PDE4D: variants seen among roughly 807,000 people sequenced by gnomAD.
PDE4D encodes 3',5'-cyclic-AMP phosphodiesterase 4D.
PDE4D carries 24 observed loss-of-function variants against 87.4 expected under a neutral mutation model. The ratio of observed to expected loss-of-function variants is 0.27; its 90% CI spans 0.20 to 0.39. The LOEUF (loss-of-function observed/expected upper bound fraction) is 0.39, where lower values mean the gene tolerates loss of function less well. Ranked by LOEUF, PDE4D falls within the 10% of genes least tolerant of loss-of-function variation. The pLI, the probability that PDE4D is intolerant of heterozygous loss-of-function variation, is 1.00. For synonymous variants in PDE4D, 384 were observed against 383.2 expected (o/e 1.00, Z -0.02); for missense variants, 714 against 1,041.0 (o/e 0.69, Z 4.32).
intron 1 of PDE4D, among the ~76,000 whole-genome samples, chr5:59,700,093 A>G (rs572711816): frequency 1.3e-5 from 2 of 152,182 alleles, no homozygotes; most frequent in African/African-American, 4.8e-5. Context: ...AAATTGCATA[A>G]CCATTACTGA....
intron 1 of PDE4D, among the ~76,000 whole-genome samples, chr5:59,672,128 T>A (rs1415302361): frequency 6.6e-6 from 1 of 152,168 alleles, no homozygotes; most frequent in East Asian, 1.9e-4. Flanking sequence ...CAGAACCTCA[T>A]TTCTGCCAGT....
At chr5:60,399,222 T>C (rs1055319127) in intron 1 of PDE4D, among the ~76,000 whole-genome samples, 2 of 152,178 alleles carry the variant, frequency 1.3e-5, no homozygotes, top group Non-Finnish European at 2.9e-5. Flanking sequence ...TAGTATTGCT[T>C]ATAGAAACTT....
At chr5:60,437,605 T>C (rs765679544) in intron 1 of PDE4D, among the ~76,000 whole-genome samples, 1 of 152,142 alleles carries the variant, frequency 6.6e-6, no homozygotes, top group African/African-American at 2.4e-5. Context: ...AGGCCTTGAA[T>C]AGTCTTAATA....
chr5:59,724,722 C>T (rs1756352205), intron 1 of PDE4D, among the ~76,000 whole-genome samples: 1 of 152,016 alleles, frequency 6.6e-6, no homozygotes, highest in Admixed American at 6.6e-5. Flanking sequence ...TGAAATGACA[C>T]ATAGGGCATA....
intron 1 of PDE4D, among the ~76,000 whole-genome samples, chr5:59,537,587 C>T (rs1211240764): frequency 6.6e-6 from 1 of 152,100 alleles, no homozygotes; most frequent in Non-Finnish European, 1.5e-5. Context: ...AAAATAACTT[C>T]AGAAGCTTCA....
At chr5:59,598,654 T>G (rs1035610034) in intron 1 of PDE4D, among the ~76,000 whole-genome samples, 3 of 152,084 alleles carry the variant, frequency 2.0e-5, no homozygotes, top group African/African-American at 7.2e-5. Context: ...CCTGACAGCC[T>G]CTCTTCATAG....
In PDE4D at chr5:58,972,915, C is replaced by T. The variant is rs940598701; in HGVS notation, c.*1749G>A. 6.6e-6 allele frequency: 1 copy of T among 152,148 alleles called. No individual in the cohort carries two copies. Among genetic ancestry groups the T allele is most frequent in the African/African-American group, 2.4e-5 (1 of 41,422 alleles). 9.4% of individuals were successfully genotyped at this position (152,148 alleles called of 1,614,324 possible). ...ATTTTAGGATGCATCACAGTACTAA[C>T]CCTCTGGTGCCAGTGGCATCATCTT... On this transcript the variant is annotated 3_prime_UTR_variant, in exon 15 of 15. Coordinates refer to ENST00000340635, the MANE Select transcript of PDE4D (RefSeq NM_001104631.2).
chr5:59,416,559 A>G (rs1358339144), intron 1 of PDE4D, among the ~76,000 whole-genome samples: 4 of 152,224 alleles, frequency 2.6e-5, no homozygotes, highest in Non-Finnish European at 2.9e-5. Context: ...AGAGCTAAGC[A>G]CTTGTAACTC....
At chr5:59,572,400 T>C (rs1821999202) in intron 1 of PDE4D, among the ~76,000 whole-genome samples, 3 of 152,144 alleles carry the variant, frequency 2.0e-5, no homozygotes, top group Non-Finnish European at 4.4e-5. Flanking sequence ...ATCTATTTTA[T>C]TATACTTTCT....
At chr5:59,050,911 AGTT>A (rs1235358454) in intron 5 of PDE4D, among the ~76,000 whole-genome samples, 3 of 152,252 alleles carry the variant, frequency 2.0e-5, no homozygotes, top group Non-Finnish European at 4.4e-5. Flanking sequence ...CACTTTGCAG[AGTT>A]GTTTAAATAA....
At chr5:59,850,006 GA>G (rs1336310223) in intron 1 of PDE4D, among the ~76,000 whole-genome samples, 1 of 152,030 alleles carries the variant, frequency 6.6e-6, no homozygotes. Context: ...TGGAAAGGAA[GA>G]GGGGGGCAAA....
chr5:59,704,550 A>G (rs540429588), intron 1 of PDE4D, among the ~76,000 whole-genome samples: 2 of 152,346 alleles, frequency 1.3e-5, no homozygotes, highest in African/African-American at 4.8e-5. Context: ...TTGTGCTGGA[A>G]ACTGGATAAA....
intron 1 of PDE4D, among the ~76,000 whole-genome samples, chr5:60,242,964 T>C (rs963525987): frequency 1.3e-5 from 2 of 151,420 alleles, no homozygotes; most frequent in African/African-American, 2.4e-5. Context: ...CCAAAACTAG[T>C]AGAAGAAAAA....
At chr5:59,750,163 T>C (rs565540994) in intron 1 of PDE4D, among the ~76,000 whole-genome samples, 4 of 151,590 alleles carry the variant, frequency 2.6e-5, no homozygotes, top group South Asian at 2.1e-4. Context: ...CCTGGGTTAC[T>C]TCAATAGTTT....
intron 1 of PDE4D, among the ~76,000 whole-genome samples, chr5:59,679,551 CAA>C (rs917860238): frequency 2.0e-5 from 3 of 152,096 alleles, no homozygotes; most frequent in African/African-American, 7.2e-5. Context: ...GCACTCCACA[CAA>C]AGAGATAAAT....
chr5:60,386,767 A>G (rs959156171), intron 1 of PDE4D, among the ~76,000 whole-genome samples: 7 of 152,236 alleles, frequency 4.6e-5, no homozygotes, highest in African/African-American at 1.2e-4. Flanking sequence ...GAAGTAATGA[A>G]CTGTATATCT....
At chr5:59,545,844 C>A (rs143672633) in intron 1 of PDE4D, among the ~76,000 whole-genome samples, 1 of 151,970 alleles carries the variant, frequency 6.6e-6, no homozygotes, top group Admixed American at 6.6e-5. Flanking sequence ...AAATTGTTGA[C>A]GAAGTAAAAT....
At chr5:60,028,430 C>T (rs897730783) in intron 2 of PDE4D, among the ~76,000 whole-genome samples, 2 of 152,160 alleles carry the variant, frequency 1.3e-5, no homozygotes, top group Non-Finnish European at 2.9e-5. Context: ...TATCCTGGGT[C>T]TGTCTGCCCT....
At chr5:59,225,194 G>T (rs993758353) in intron 1 of PDE4D, among the ~76,000 whole-genome samples, 1 of 152,080 alleles carries the variant, frequency 6.6e-6, no homozygotes, top group African/African-American at 2.4e-5. Context: ...TTAAGATAAA[G>T]GTTTAGTTTC....
Sources: allele counts gnomAD v4.1 joint callset (sites outside exome capture counted in the v4.1 genomes callset), GRCh38; gene constraint gnomAD v4.1.1; transcripts MANE v1.5; gene names NCBI Gene and HGNC (gene_info 2026-07-23, HGNC 2026-07-21).